Variants in AXIN1 observed in about 807,000 individuals in gnomAD.
AXIN1 encodes axin-1.
AXIN1 carries 30 observed loss-of-function variants against 76.4 expected under a neutral mutation model. That is an observed-to-expected ratio of 0.39 (90% CI 0.29 to 0.53). The LOEUF (loss-of-function observed/expected upper bound fraction) is 0.53. Among genes scored for constraint, AXIN1 ranks in the 20% least tolerant of loss-of-function variants. AXIN1 has a pLI of 0.66. For missense variants in AXIN1, 1,140 were observed against 1,198.8 expected, an observed-to-expected ratio of 0.95 and a Z score of 0.72; for synonymous variants, 545 against 501.4, an observed-to-expected ratio of 1.09 and a Z score of -1.16.
At chr16:332,304 G>A (rs558047225) in intron 2 of AXIN1, among the ~76,000 whole-genome samples, 2 of 152,310 alleles carry the variant, frequency 1.3e-5, no homozygotes, top group Admixed American at 6.5e-5. Context: ...CAGGCTGGGC[G>A]CGGTGGCTCA....
intron 2 of AXIN1, among the ~76,000 whole-genome samples, chr16:315,827 C>CAAA (rs2053287632): frequency 1.5e-5 from 1 of 64,816 alleles, no homozygotes. Flanking sequence ...GACTCTGTCT[C>CAAA]AAAAGAAAAA....
At chr16:311,276 T>C (rs1013358030) in intron 3 of AXIN1, among the ~76,000 whole-genome samples, 3 of 151,498 alleles carry the variant, frequency 2.0e-5, no homozygotes, top group African/African-American at 2.4e-5. Flanking sequence ...GTGATCCGCC[T>C]GCCTCGGCCT....
chr16:343,342 T>C (rs395901), intron 2 of AXIN1, among the ~76,000 whole-genome samples: 139,649 of 152,244 alleles, frequency 0.92, 64,245 homozygotes, highest in East Asian at 1. Context: ...GTTCCAACAG[T>C]GGAAATCAGA....
chr16:326,354 CAAA>C lies in AXIN1; in HGVS notation c.879-11674_879-11672del, dbSNP rs1187459071. ...GGGCAACAAGAGCAAAACTCCGTCT[CAAA>C]AAAAAAAAAAAAAAAATATATATAT... On this transcript the variant is annotated intron_variant, in intron 2 of 10. Transcript: ENST00000262320. Among the ~76,000 whole-genome samples, 565 of 63,824 alleles carry C rather than the reference CAAA, an allele frequency of 8.9e-3. 7 individuals carry two copies. Among genetic ancestry groups the C allele is most frequent in the African/African-American group, 0.027 (404 of 14,974 alleles). The allele number at this position is 63,824 out of a possible 152,430, so 41.9% of individuals were successfully genotyped here. A position where few individuals can be genotyped will look rare whatever the true frequency, so the allele number is the denominator to read the frequency against.
intron 2 of AXIN1, among the ~76,000 whole-genome samples, chr16:345,865 A>G (rs915239603): frequency 6.6e-6 from 1 of 152,220 alleles, no homozygotes; most frequent in African/African-American, 2.4e-5. Context: ...TGAAGGGTAA[A>G]GTTTACATGT....
At chr16:324,295 C>T (rs987274140) in intron 2 of AXIN1, among the ~76,000 whole-genome samples, 1 of 151,488 alleles carries the variant, frequency 6.6e-6, no homozygotes, top group Non-Finnish European at 1.5e-5. Context: ...ATTTGCTCTA[C>T]AGGTCTCCTG....
At chr16:304,116 G>A (rs2052949776) in intron 5 of AXIN1, among the ~76,000 whole-genome samples, 188 bp downstream of exon 5, 1 of 152,234 alleles carries the variant, frequency 6.6e-6, no homozygotes, top group Non-Finnish European at 1.5e-5. Flanking sequence ...TGGGGCCGCT[G>A]GGACATCCCA....
chr16:320,580 A>T (rs2053417683), intron 2 of AXIN1, among the ~76,000 whole-genome samples: 1 of 152,000 alleles, frequency 6.6e-6, no homozygotes, highest in Non-Finnish European at 1.5e-5. Context: ...AATTTGAGAG[A>T]GTTCCAGCTT....
chr16:305,916 G>A (rs1482078906), intron 4 of AXIN1, among the ~76,000 whole-genome samples: 32 of 152,050 alleles, frequency 2.1e-4, no homozygotes, highest in Admixed American at 2.1e-3. Context: ...CTCCCACCTA[G>A]GCCTCCCAAA....
At chr16:331,719 G>A (rs2053694059) in intron 2 of AXIN1, among the ~76,000 whole-genome samples, 1 of 152,152 alleles carries the variant, frequency 6.6e-6, no homozygotes, top group African/African-American at 2.4e-5. Flanking sequence ...TATCTTTGTG[G>A]TATCTCCAAC....
rs1440250426 is a variant in AXIN1 at position 293,931 on chromosome 16, A to G, written c.1956-213T>C. On this transcript the variant is annotated intron_variant, in intron 7 of 10. Transcript: ENST00000262320. The surrounding 1 kb of genome is among the most constrained non-coding windows in gnomAD (Gnocchi z 4.6). ...GGTGGCTCACACCTGTAATCCCAGC[A>G]TTTCGGGAGGCCGAGGCGGGCAGAT... 6.6e-6 allele frequency among the ~76,000 whole-genome samples: 1 copy of G among 152,180 alleles called. No homozygotes were observed. The highest frequency in any genetic ancestry group is 2.4e-5 in the African/African-American group (1 of 41,466).
chr16:303,704 C>T (rs560999254), intron 5 of AXIN1, among the ~76,000 whole-genome samples: 2 of 152,236 alleles, frequency 1.3e-5, no homozygotes, highest in South Asian at 2.1e-4. Flanking sequence ...ACCTTTTCAC[C>T]CAATAAACTC....
chr16:344,068 G>A (rs552672203), intron 2 of AXIN1, among the ~76,000 whole-genome samples: 1 of 151,790 alleles, frequency 6.6e-6, no homozygotes, highest in South Asian at 2.1e-4. Context: ...TACTCAACAG[G>A]ATAACTTTGC....
chr16:321,017 C>T (rs922807519), intron 2 of AXIN1, among the ~76,000 whole-genome samples: 3 of 152,172 alleles, frequency 2.0e-5, no homozygotes, highest in Non-Finnish European at 4.4e-5. Context: ...GGATTACAGG[C>T]TTAAGCCACT....
intron 2 of AXIN1, among the ~76,000 whole-genome samples, chr16:322,485 G>T (rs535286315): frequency 1.3e-5 from 2 of 152,338 alleles, no homozygotes; most frequent in East Asian, 3.9e-4. Flanking sequence ...AGCTGAGTTA[G>T]CATGGCAGGT....
intron 2 of AXIN1, among the ~76,000 whole-genome samples, chr16:333,321 A>C (rs1410528222): frequency 6.6e-6 from 1 of 151,718 alleles, no homozygotes; most frequent in Non-Finnish European, 1.5e-5. Context: ...AACAAGAGCG[A>C]AATTCCATCT....
chr16:342,250 G>A (rs1452379637), intron 2 of AXIN1, among the ~76,000 whole-genome samples: 2 of 152,126 alleles, frequency 1.3e-5, no homozygotes, highest in Non-Finnish European at 2.9e-5. Context: ...CCACCAGAAG[G>A]AAGAAACTCC....
At chr16:316,520 C>T (rs1038662036) in intron 2 of AXIN1, among the ~76,000 whole-genome samples, 5 of 152,238 alleles carry the variant, frequency 3.3e-5, no homozygotes, top group African/African-American at 7.2e-5. Flanking sequence ...TTCCTTCTAG[C>T]GGCTGCCCCC....
chr16:297,028 C>T (rs777707357), intron 7 of AXIN1, 28 bp downstream of exon 7: 23 of 1,606,556 alleles, frequency 1.4e-5, no homozygotes, highest in Middle Eastern at 1.6e-4. Context: ...GCAGGCCCCA[C>T]GAGGCTGGCT....
Sources: allele counts gnomAD v4.1 joint callset (sites outside exome capture counted in the v4.1 genomes callset), GRCh38; gene constraint gnomAD v4.1.1; non-coding constraint Gnocchi (gnomAD v3.1); transcripts MANE v1.5; gene names NCBI Gene and HGNC (gene_info 2026-07-23, HGNC 2026-07-21).